Variants in SHANK2 observed in about 807,000 individuals in gnomAD.
SHANK2 encodes SH3 and multiple ankyrin repeat domains 2.
A neutral mutation model predicts 133.7 loss-of-function variants in SHANK2; 43 were observed. The observed-to-expected ratio is 0.32, with a 90% CI of 0.25 to 0.41. The LOEUF is 0.41. Among genes scored for constraint, SHANK2 ranks in the 10% least tolerant of loss-of-function variants. The probability of loss-of-function intolerance (pLI) is 1.00; values close to 1 mark genes in which losing one functional copy is unlikely to be tolerated. For synonymous variants in SHANK2, 1,017 were observed against 952.8 expected (o/e 1.07, Z -1.24); for missense variants, 1,994 against 2,235.8 (o/e 0.89, Z 2.18).
chr11:70,790,996 A>G (rs1190024329), intron 14 of SHANK2, among the ~76,000 whole-genome samples: 1 of 152,172 alleles, frequency 6.6e-6, no homozygotes, highest in Non-Finnish European at 1.5e-5. Flanking sequence ...GCTTGGTCAC[A>G]TCATGGAGAA....
In SHANK2 at chr11:71,084,522, G is replaced by A. The variant is rs930018332; in HGVS notation, c.912+7900C>T. Among the ~76,000 whole-genome samples the A allele has an allele frequency of 9.2e-5, 14 of 152,310 alleles. No individual in the cohort carries two copies. In the Middle Eastern group the frequency reaches 0.01, roughly 111 times the overall value. ...GCGCAGGCTCTCCCACACGATGAAC[G>A]CCCAGAACCCTGGGACAGGGCTGTC... On this transcript the variant is annotated intron_variant, in intron 8 of 25. Transcript: ENST00000601538.
At chr11:70,863,891 C>G (rs1555068460) in intron 11 of SHANK2, 1 of 457,280 alleles carries the variant, frequency 2.2e-6, no homozygotes, top group Admixed American at 2.4e-5. Flanking sequence ...CAGGAGAAAC[C>G]AGCCCTGGGA....
chr11:70,765,667 A>G (rs1591824905), intron 14 of SHANK2, among the ~76,000 whole-genome samples: 1 of 152,318 alleles, frequency 6.6e-6, no homozygotes, highest in Middle Eastern at 3.4e-3. Context: ...GGAGCTCCCA[A>G]GAAGCAAGAA....
chr11:70,732,443 C>T (rs1161403585), intron 14 of SHANK2, among the ~76,000 whole-genome samples: 1 of 152,188 alleles, frequency 6.6e-6, no homozygotes, highest in Non-Finnish European at 1.5e-5. Flanking sequence ...GGCCCCAAAG[C>T]CATCCTTAGA....
intron 17 of SHANK2, among the ~76,000 whole-genome samples, chr11:70,626,463 T>C (rs1175811496): frequency 6.6e-6 from 1 of 152,090 alleles, no homozygotes; most frequent in Non-Finnish European, 1.5e-5. Flanking sequence ...GTAAGTCTCA[T>C]CTGGTCAAGT....
chr11:71,108,247 A>G (rs1374894020), intron 6 of SHANK2, among the ~76,000 whole-genome samples: 3 of 152,210 alleles, frequency 2.0e-5, no homozygotes, highest in African/African-American at 7.2e-5. Flanking sequence ...AAGCTGCCAC[A>G]TCAGCGCAGC....
intron 14 of SHANK2, among the ~76,000 whole-genome samples, chr11:70,718,146 A>G (rs549033338): frequency 2.6e-5 from 4 of 152,316 alleles, no homozygotes; most frequent in African/African-American, 9.6e-5. Context: ...GCATGCCATT[A>G]GCAGGGAGAG....
chr11:70,915,564 C>T (rs776049783), intron 10 of SHANK2, among the ~76,000 whole-genome samples: 24 of 152,142 alleles, frequency 1.6e-4, no homozygotes, highest in Non-Finnish European at 3.1e-4. Flanking sequence ...GTCTGGCCGC[C>T]GAGCCCACCC....
intron 14 of SHANK2, 63 bp from the exon 15 acceptor site, chr11:70,698,826 C>T: frequency 2.8e-6 from 2 of 717,800 alleles, no homozygotes; most frequent in Non-Finnish European, 5.2e-6. Context: ...GCGGAACCCA[C>T]AGCACATGAG....
rs1041969683 is a variant in SHANK2, at chr11:70,881,599, T to A, written c.1174+14902A>T. Among the ~76,000 whole-genome samples, 5 of 148,480 alleles carry A rather than the reference T, an allele frequency of 3.4e-5. 1 individual carries two copies. In the South Asian group the frequency reaches 1.1e-3, roughly 32 times the overall value. ...TTAATAATAATAATAATAATAATAATAGTAAACTCCAGGGGGCTTGGATTG... is the reference window on the plus strand; with the variant it reads ...TTAATAATAATAATAATAATAATAAAAGTAAACTCCAGGGGGCTTGGATTG... On this transcript the variant is annotated intron_variant, in intron 11 of 25. Coordinates refer to ENST00000601538, the MANE Select transcript of SHANK2 (RefSeq NM_012309.5).
chr11:70,690,879 A>T (rs1367048107), intron 15 of SHANK2, among the ~76,000 whole-genome samples: 1 of 152,048 alleles, frequency 6.6e-6, no homozygotes, highest in African/African-American at 2.4e-5. Flanking sequence ...GCAATGTGTC[A>T]AGGATGTTTC....
intron 14 of SHANK2, among the ~76,000 whole-genome samples, chr11:70,709,209 TCAAAA>T (rs560025660): frequency 6.6e-6 from 1 of 152,254 alleles, no homozygotes. Flanking sequence ...AGAACCTGTC[TCAAAA>T]CAAAACAAAA....
In SHANK2 at chr11:70,485,227, C is replaced by T. The variant is rs1347878787; in HGVS notation, c.4979+87G>A. On this transcript the variant is annotated intron_variant, in intron 25 of 25. Transcript: ENST00000601538. This position sits in a 1 kb window ranked among gnomAD's most constrained non-coding sequence, Gnocchi z 5.8. ...CTTTACGAATTCCCCTCTTCGTGTCCGCTGGGGCTGCTACCCGAGGGCCTT... is the reference window on the plus strand; with the variant it reads ...CTTTACGAATTCCCCTCTTCGTGTCTGCTGGGGCTGCTACCCGAGGGCCTT... The T allele has an allele frequency of 2.3e-5, 26 of 1,149,830 alleles. No homozygotes were observed. Among genetic ancestry groups the T allele is most frequent in the African/African-American group, 4.5e-5 (3 of 66,162 alleles). The allele number at this position is 1,149,830 out of a possible 1,614,324, so 71.2% of individuals were successfully genotyped here. A position where few individuals can be genotyped will look rare whatever the true frequency, so the allele number is the denominator to read the frequency against.
chr11:70,599,857 GAAATAA>G lies in SHANK2; in HGVS notation c.2061+59965_2061+59970del, dbSNP rs1275074441. On this transcript the variant is annotated intron_variant, in intron 17 of 25. Transcript: ENST00000601538. ...GGAAGGAAGGAGAGAACGAAAGAAA[GAAATAA>G]AAAGAAAGAAAGAAAGAAAGAAAGA... Among the ~76,000 whole-genome samples, 27 of 93,896 alleles carry G rather than the reference GAAATAA, an allele frequency of 2.9e-4. 1 individual carries two copies. The East Asian group carries it at 3.0e-3, about 10-fold the overall frequency. The allele number at this position is 93,896 out of a possible 152,430, so 61.6% of individuals were successfully genotyped here.
At chr11:70,896,027 A>T (rs1435335115) in intron 11 of SHANK2, among the ~76,000 whole-genome samples, 1 of 152,120 alleles carries the variant, frequency 6.6e-6, no homozygotes, top group Non-Finnish European at 1.5e-5. Context: ...AGTTTACATT[A>T]GGGTTCACTC....
At chr11:70,826,385 A>G (rs12793902) in intron 11 of SHANK2, 2 of 463,878 alleles carry the variant, frequency 4.3e-6, no homozygotes, top group Non-Finnish European at 9.0e-6. Flanking sequence ...GAGGAACTGG[A>G]GTCCTCCCTC....
chr11:71,219,280 A>G (rs1205881030), intron 2 of SHANK2, among the ~76,000 whole-genome samples: 1 of 152,202 alleles, frequency 6.6e-6, no homozygotes, highest in Admixed American at 6.5e-5. Context: ...TGCCACACAC[A>G]ACGTGGAAAG....
chr11:70,682,580 A>T (rs1386919108), intron 15 of SHANK2, among the ~76,000 whole-genome samples: 2 of 152,248 alleles, frequency 1.3e-5, no homozygotes, highest in Admixed American at 6.5e-5. Flanking sequence ...ATATTTCTGC[A>T]TTCTTTGAAT....
rs1250404289 is a variant in SHANK2, at chr11:70,543,205, G to T, written c.2062-40274C>A. Among the ~76,000 whole-genome samples the T allele has an allele frequency of 2.6e-5, 4 of 152,202 alleles. No individual in the cohort carries two copies. The East Asian group carries it at 7.7e-4, about 29-fold the overall frequency. On this transcript the variant is annotated intron_variant, in intron 17 of 25. Coordinates refer to ENST00000601538, the MANE Select transcript of SHANK2 (RefSeq NM_012309.5). ...AGGAGCCACACACAGTCTGCGTTGT[G>T]AAATGGGTATTTGGTTTTCCTCTCC...
Sources: allele counts gnomAD v4.1 joint callset (sites outside exome capture counted in the v4.1 genomes callset), GRCh38; gene constraint gnomAD v4.1.1; non-coding constraint Gnocchi (gnomAD v3.1); transcripts MANE v1.5; gene names NCBI Gene and HGNC (gene_info 2026-07-23, HGNC 2026-07-21).